Variants in OSBPL3 observed in about 807,000 individuals in gnomAD.
OSBPL3 encodes the protein oxysterol binding protein like 3.
In OSBPL3, 65 loss-of-function variants were observed where a neutral mutation model predicts 120.1. The ratio of observed to expected loss-of-function variants is 0.54; its 90% CI spans 0.44 to 0.67. OSBPL3 has a LOEUF of 0.67. Ranked by LOEUF, OSBPL3 falls within the 30% of genes least tolerant of loss-of-function variation. OSBPL3 has a pLI of 0.00. For synonymous variants in OSBPL3, 416 were observed against 402.6 expected (o/e 1.03, Z -0.40); for missense variants, 1,004 against 1,082.1 (o/e 0.93, Z 1.01).
chr7:24,918,449 T>C lies in OSBPL3; in HGVS notation c.-149-25828A>G, dbSNP rs1809993931. 1.3e-5 allele frequency among the ~76,000 whole-genome samples: 2 copies of C among 152,200 alleles called. No individual in the cohort carries two copies. The highest frequency in any genetic ancestry group is 4.1e-4 in the South Asian group (2 of 4,832). ...GAAGTATGTATTTGGAAGAAAGAAG[T>C]GCCACTCGAGAGAGTTAAAACACTA... On this transcript the variant is annotated intron_variant, in intron 1 of 22. Transcript: ENST00000313367. The surrounding 1 kb of genome is among the most constrained non-coding windows in gnomAD (Gnocchi z 4.3).
chr7:24,837,090 C>T (rs563042382), intron 14 of OSBPL3, among the ~76,000 whole-genome samples: 1 of 152,346 alleles, frequency 6.6e-6, no homozygotes, highest in Admixed American at 6.5e-5. Context: ...CCACCTCAGC[C>T]TCCCAAAGTC....
intron 1 of OSBPL3, among the ~76,000 whole-genome samples, chr7:24,902,766 C>T (rs954519859): frequency 3.3e-5 from 5 of 151,222 alleles, no homozygotes; most frequent in Middle Eastern, 3.4e-3. Context: ...CACACCTAAA[C>T]GACTGGCTTA....
chr7:24,873,741 C>A lies in OSBPL3; in HGVS notation c.97-1672G>T, dbSNP rs1234601461. Among the ~76,000 whole-genome samples, 7 of 149,102 alleles carry A rather than the reference C, an allele frequency of 4.7e-5. No individual in the cohort carries two copies. Among genetic ancestry groups the A allele is most frequent in the South Asian group, 2.1e-4 (1 of 4,720 alleles). The stretch of plus-strand genomic sequence containing the variant: ...CAGATTTCCTATTACTTAAAAACAC[C>A]AAAAAAAAAAACTTACTTGAATTTA... On this transcript the variant is annotated intron_variant, in intron 2 of 22. Transcript: ENST00000313367. This position sits in a 1 kb window ranked among gnomAD's most constrained non-coding sequence, Gnocchi z 4.1.
At chr7:24,949,687 A>C (rs189091401) in intron 1 of OSBPL3, among the ~76,000 whole-genome samples, 109 of 152,170 alleles carry the variant, frequency 7.2e-4, no homozygotes, top group African/African-American at 2.5e-3. Flanking sequence ...GGTGGCATCA[A>C]CTCAGCCTGA....
chr7:24,957,218 C>T (rs1293536027), intron 1 of OSBPL3, among the ~76,000 whole-genome samples: 7 of 146,460 alleles, frequency 4.8e-5, no homozygotes, highest in Non-Finnish European at 9.0e-5. Context: ...CATGGCAGAA[C>T]AGACAAAAAA....
rs1276542212 is a variant in OSBPL3 at position 24,913,394 on chromosome 7, C to T, written c.-149-20773G>A. ...AGCAACACTCTCTTCTCCTGTCCCT[C>T]AGGCTAGCAGGCTCCTGCTACCAGA... On this transcript the variant is annotated intron_variant, in intron 1 of 22. Coordinates refer to ENST00000313367, the MANE Select transcript of OSBPL3 (RefSeq NM_015550.4). This position sits in a 1 kb window ranked among gnomAD's most constrained non-coding sequence, Gnocchi z 5.3. Among the ~76,000 whole-genome samples the T allele has an allele frequency of 6.6e-6, 1 of 152,174 alleles. No homozygotes were observed. The highest frequency in any genetic ancestry group is 1.5e-5 in the Non-Finnish European group (1 of 68,022).
rs180730790 is a variant in OSBPL3 at position 24,867,642 on chromosome 7, A to G, written c.382-1405T>C. 2.0e-5 allele frequency among the ~76,000 whole-genome samples: 3 copies of G among 151,150 alleles called. No individual in the cohort carries two copies. The highest frequency in any genetic ancestry group is 6.6e-5 in the Admixed American group (1 of 15,162). ...ATTTGCCTTCTGCCATGACTGTGAGACCTCCCCAGCCATGTGGAACTGTAA... is the reference window on the plus strand; with the variant it reads ...ATTTGCCTTCTGCCATGACTGTGAGGCCTCCCCAGCCATGTGGAACTGTAA... On this transcript the variant is annotated intron_variant, in intron 5 of 22. Transcript: ENST00000313367. This position sits in a 1 kb window ranked among gnomAD's most constrained non-coding sequence, Gnocchi z 4.5.
chr7:24,931,961 C>A (rs990052486), intron 1 of OSBPL3, among the ~76,000 whole-genome samples: 1 of 152,198 alleles, frequency 6.6e-6, no homozygotes, highest in African/African-American at 2.4e-5. Flanking sequence ...TCCTCACTCT[C>A]CCACATACAG....
chr7:24,867,038 G>A lies in OSBPL3; in HGVS notation c.382-801C>T, dbSNP rs1801426088. 6.6e-6 allele frequency among the ~76,000 whole-genome samples: 1 copy of A among 152,190 alleles called. No individual in the cohort carries two copies. Among genetic ancestry groups the A allele is most frequent in the South Asian group, 2.1e-4 (1 of 4,830 alleles). Reference sequence around the variant, plus strand: ...GCTGGTCTCGAACTCCTGACCTGGTGATCTGCCCGCCTCGGCCTCCCAAAG... The same window carrying A: ...GCTGGTCTCGAACTCCTGACCTGGTAATCTGCCCGCCTCGGCCTCCCAAAG... On this transcript the variant is annotated intron_variant, in intron 5 of 22. Coordinates refer to ENST00000313367, the MANE Select transcript of OSBPL3 (RefSeq NM_015550.4). The surrounding 1 kb of genome is among the most constrained non-coding windows in gnomAD (Gnocchi z 4.5).
At chr7:24,924,632 G>A (rs1810815889) in intron 1 of OSBPL3, among the ~76,000 whole-genome samples, 1 of 152,180 alleles carries the variant, frequency 6.6e-6, no homozygotes, top group South Asian at 2.1e-4. Flanking sequence ...AATGGCTGCT[G>A]ATACTCTGAT....
At position 24,947,705 on chromosome 7, in the gene OSBPL3, A is replaced by G. The variant is rs1181864357; in HGVS notation, c.-150+32181T>C. ...GAAATTTGAACATTAGAAATATGCT[A>G]CAAACTAAACTATAATCTGAACACA... On this transcript the variant is annotated intron_variant, in intron 1 of 22. Coordinates refer to ENST00000313367, the MANE Select transcript of OSBPL3 (RefSeq NM_015550.4). The surrounding 1 kb of genome is among the most constrained non-coding windows in gnomAD (Gnocchi z 4.4). 6.6e-6 allele frequency among the ~76,000 whole-genome samples: 1 copy of G among 152,126 alleles called. No homozygotes were observed. The highest frequency in any genetic ancestry group is 1.5e-5 in the Non-Finnish European group (1 of 68,018).
intron 1 of OSBPL3, among the ~76,000 whole-genome samples, chr7:24,935,974 C>T (rs945181143): frequency 6.6e-6 from 1 of 151,764 alleles, no homozygotes; most frequent in African/African-American, 2.4e-5. Flanking sequence ...TGCTGGTGTG[C>T]TGCACCCATT....
Position 24,898,280 on chromosome 7 carries a change from G to T in OSBPL3, c.-149-5659C>A, listed in dbSNP as rs1421124254. Among the ~76,000 whole-genome samples the T allele has an allele frequency of 6.6e-6, 1 of 152,164 alleles. No individual in the cohort carries two copies. Among genetic ancestry groups the T allele is most frequent in the African/African-American group, 2.4e-5 (1 of 41,438 alleles). On this transcript the variant is annotated intron_variant, in intron 1 of 22. Transcript: ENST00000313367. This position sits in a 1 kb window ranked among gnomAD's most constrained non-coding sequence, Gnocchi z 4.3. ...ATCGGTGATCCCGGACCTCTGAAGTGCTGTCCATGTGTCCGAACTATCTGA... is the reference window on the plus strand; with the variant it reads ...ATCGGTGATCCCGGACCTCTGAAGTTCTGTCCATGTGTCCGAACTATCTGA...
intron 2 of OSBPL3, among the ~76,000 whole-genome samples, chr7:24,887,592 G>C (rs1488310520): frequency 6.6e-6 from 1 of 152,142 alleles, no homozygotes; most frequent in Non-Finnish European, 1.5e-5. Flanking sequence ...TTTATGAATG[G>C]AGAACTGAGA....
In OSBPL3 at chr7:24,946,135, TG is replaced by T. The variant is rs1813704145; in HGVS notation, c.-150+33750del. On this transcript the variant is annotated intron_variant, in intron 1 of 22. Transcript: ENST00000313367. The surrounding 1 kb of genome is among the most constrained non-coding windows in gnomAD (Gnocchi z 4.3). Reference sequence around the variant, plus strand: ...CTGGTAGTCAATGCCGGCTGTCAGCTGGGAGCTCAGCTGGGAGCTCAGCTGG... The same window carrying T: ...CTGGTAGTCAATGCCGGCTGTCAGCTGGAGCTCAGCTGGGAGCTCAGCTGG... Among the ~76,000 whole-genome samples, 1 of 96,580 alleles carries T rather than the reference TG, an allele frequency of 1.0e-5. No homozygotes were observed. Among genetic ancestry groups the T allele is most frequent in the African/African-American group, 4.9e-5 (1 of 20,424 alleles). 63.4% of individuals were successfully genotyped at this position (96,580 alleles called of 152,430 possible). A position where few individuals can be genotyped will look rare whatever the true frequency, so the allele number is the denominator to read the frequency against.
At chr7:24,915,248 C>T (rs1384409178) in intron 1 of OSBPL3, among the ~76,000 whole-genome samples, 3 of 152,204 alleles carry the variant, frequency 2.0e-5, no homozygotes, top group South Asian at 2.1e-4. Flanking sequence ...ATAGCTGATT[C>T]TCCAACATGT....
chr7:24,920,917 A>G (rs752856821), intron 1 of OSBPL3, among the ~76,000 whole-genome samples: 3 of 152,158 alleles, frequency 2.0e-5, no homozygotes, highest in Non-Finnish European at 4.4e-5. Flanking sequence ...CTGCTGCCAC[A>G]TTAGTCATCC....
rs534345923 is a variant in OSBPL3, at chr7:24,818,392, A to G, written c.1949-1704T>C. Among the ~76,000 whole-genome samples, 14 of 152,350 alleles carry G rather than the reference A, an allele frequency of 9.2e-5. No individual in the cohort carries two copies. Among genetic ancestry groups the G allele is most frequent in the African/African-American group, 3.1e-4 (13 of 41,586 alleles). The stretch of plus-strand genomic sequence containing the variant: ...GCTGTTTAAAGCTAAAGTATTAACA[A>G]TGTACTACATGGTTTATGATATACA... On this transcript the variant is annotated intron_variant, in intron 17 of 22. Transcript: ENST00000313367. This position sits in a 1 kb window ranked among gnomAD's most constrained non-coding sequence, Gnocchi z 4.0.
chr7:24,806,582 G>A lies in OSBPL3; in HGVS notation c.2444+194C>T, dbSNP rs1170267416. On this transcript the variant is annotated intron_variant, in intron 21 of 22. Coordinates refer to ENST00000313367, the MANE Select transcript of OSBPL3 (RefSeq NM_015550.4). This position sits in a 1 kb window ranked among gnomAD's most constrained non-coding sequence, Gnocchi z 5.2. ...CAAATGGGGCTTTACAGATAATAAAGGCCATGCCACACATGGATCCTAGTT... is the reference window on the plus strand; with the variant it reads ...CAAATGGGGCTTTACAGATAATAAAAGCCATGCCACACATGGATCCTAGTT... 6.6e-6 allele frequency among the ~76,000 whole-genome samples: 1 copy of A among 152,098 alleles called. No homozygotes were observed. The highest frequency in any genetic ancestry group is 2.4e-5 in the African/African-American group (1 of 41,400).
Sources: gnomAD v4.1 joint callset for allele counts (sites outside exome capture counted in the v4.1 genomes callset) on GRCh38, gnomAD v4.1.1 for gene constraint, Gnocchi (gnomAD v3.1) non-coding constraint, MANE v1.5 for transcripts, NCBI Gene and HGNC (gene_info 2026-07-23, HGNC 2026-07-21) for gene names.